The following STAG1 variants were observed in gnomAD, a reference collection of about 807,000 sequenced individuals.
STAG1 encodes cohesin subunit SA-1.
Under a neutral mutation model 170.9 loss-of-function variants are expected in STAG1, and 26 were observed. The observed-to-expected ratio is 0.15, with a 90% CI of 0.11 to 0.21. The LOEUF (loss-of-function observed/expected upper bound fraction) is 0.21, where lower values mean the gene tolerates loss of function less well. Ranked by LOEUF, STAG1 falls within the 10% of genes least tolerant of loss-of-function variation. The pLI, the probability that STAG1 is intolerant of heterozygous loss-of-function variation, is 1.00. For missense variants in STAG1, 964 were observed against 1,509.5 expected, an observed-to-expected ratio of 0.64 and a Z score of 5.99; for synonymous variants, 514 against 497.7, an observed-to-expected ratio of 1.03 and a Z score of -0.44.
chr3:136,500,624 C>T (rs144649364), intron 8 of STAG1, among the ~76,000 whole-genome samples: 45 of 152,200 alleles, frequency 3.0e-4, no homozygotes, highest in African/African-American at 1.1e-3. Context: ...TAAATCAGGT[C>T]CCTGGGTTTG....
intron 1 of STAG1, among the ~76,000 whole-genome samples, chr3:136,733,335 C>T (rs537809720): frequency 6.6e-6 from 1 of 152,214 alleles, no homozygotes; most frequent in Admixed American, 6.5e-5. Context: ...ATCCACCCAC[C>T]TCAGCGTCCC....
intron 1 of STAG1, chr3:136,736,577 G>A: frequency 6.5e-7 from 1 of 1,530,098 alleles, no homozygotes; most frequent in Non-Finnish European, 9.0e-7. Flanking sequence ...TATTGGCTTG[G>A]AAGTTTCGCC....
chr3:136,703,473 C>A (rs1306711719), intron 1 of STAG1, among the ~76,000 whole-genome samples: 1 of 152,288 alleles, frequency 6.6e-6, no homozygotes, highest in East Asian at 1.9e-4. Flanking sequence ...TGGAGGCTGA[C>A]CACTGTTTCA....
chr3:136,645,413 T>C (rs780847168), intron 1 of STAG1, among the ~76,000 whole-genome samples: 1 of 152,180 alleles, frequency 6.6e-6, no homozygotes, highest in Non-Finnish European at 1.5e-5. Context: ...TTTCATTGAC[T>C]TCAGCCCCAA....
chr3:136,500,394 T>C (rs1485452303), intron 8 of STAG1, 98 bp from the exon 9 acceptor site: 2 of 794,392 alleles, frequency 2.5e-6, no homozygotes, highest in Non-Finnish European at 4.0e-6. Flanking sequence ...TCATTCTGGG[T>C]AGTTTTCAAT....
chr3:136,728,379 A>C (rs1265868464), intron 1 of STAG1, among the ~76,000 whole-genome samples: 1 of 152,174 alleles, frequency 6.6e-6, no homozygotes, highest in African/African-American at 2.4e-5. Context: ...GGGTATGGGG[A>C]AAATGATAAA....
intron 28 of STAG1, among the ~76,000 whole-genome samples, chr3:136,356,321 T>C (rs992626301): frequency 3.3e-5 from 5 of 150,546 alleles, no homozygotes; most frequent in African/African-American, 9.7e-5. Context: ...CTATCACTTA[T>C]AGTCATATAA....
At chr3:136,625,623 A>C (rs532910831) in intron 2 of STAG1, among the ~76,000 whole-genome samples, 3 of 152,290 alleles carry the variant, frequency 2.0e-5, no homozygotes, top group Admixed American at 2.0e-4. Context: ...TGATAGAATG[A>C]TATCAGTCTT....
intron 1 of STAG1, among the ~76,000 whole-genome samples, chr3:136,661,942 A>C (rs1044336001): frequency 3.9e-5 from 6 of 152,204 alleles, no homozygotes; most frequent in African/African-American, 7.2e-5. Context: ...GATCTAACTC[A>C]GATAGTCTGA....
chr3:136,556,812 G>A (rs1936642747), intron 5 of STAG1, among the ~76,000 whole-genome samples: 1 of 151,816 alleles, frequency 6.6e-6, no homozygotes, highest in Non-Finnish European at 1.5e-5. Flanking sequence ...CCAATCCCTG[G>A]GCTCAAGAGA....
chr3:136,384,075 G>A (rs1256328243), intron 22 of STAG1, among the ~76,000 whole-genome samples: 2 of 152,092 alleles, frequency 1.3e-5, no homozygotes, highest in African/African-American at 4.8e-5. Context: ...CCAGACTGTG[G>A]TCTTAACCAG....
In STAG1 at chr3:136,700,418, C is replaced by CTT. The variant is rs775648320; in HGVS notation, c.-84+51775_-84+51776dup. On this transcript the variant is annotated intron_variant, in intron 1 of 33. Transcript: ENST00000383202. The stretch of plus-strand genomic sequence containing the variant: ...AACATATACAACTAAATTACTTCTT[C>CTT]TTTTTTTTTTTTTTATTTGAGACAG... 7.8e-5 allele frequency among the ~76,000 whole-genome samples: 11 copies of CTT among 141,392 alleles called. No homozygotes were observed. In the East Asian group the frequency reaches 1.6e-3, roughly 21 times the overall value. 92.8% of individuals were successfully genotyped at this position (141,392 alleles called of 152,430 possible).
chr3:136,671,104 G>C (rs908184558), intron 1 of STAG1, among the ~76,000 whole-genome samples: 1 of 152,080 alleles, frequency 6.6e-6, no homozygotes, highest in Non-Finnish European at 1.5e-5. Flanking sequence ...GGCCAAAATG[G>C]TGAAACCTCG....
intron 7 of STAG1, among the ~76,000 whole-genome samples, chr3:136,509,359 G>A (rs912265597): frequency 1.3e-5 from 2 of 151,486 alleles, no homozygotes; most frequent in Non-Finnish European, 2.9e-5. Flanking sequence ...TACACTAAGG[G>A]GATTGCTAGG....
At chr3:136,751,904 T>G (rs1269098296) in intron 1 of STAG1, among the ~76,000 whole-genome samples, 1 of 150,308 alleles carries the variant, frequency 6.7e-6, no homozygotes, top group Non-Finnish European at 1.5e-5. Flanking sequence ...GGGGGCAAAA[T>G]TTTTGGTGCC....
At chr3:136,437,864 C>T (rs994297014) in intron 15 of STAG1, among the ~76,000 whole-genome samples, 3 of 152,178 alleles carry the variant, frequency 2.0e-5, no homozygotes, top group Non-Finnish European at 4.4e-5. Flanking sequence ...TATAAGCCAT[C>T]TCCCTCTTTT....
intron 1 of STAG1, among the ~76,000 whole-genome samples, chr3:136,732,019 G>A (rs1934070150): frequency 6.6e-6 from 1 of 151,896 alleles, no homozygotes; most frequent in South Asian, 2.1e-4. Context: ...TTTCAACAGG[G>A]ACTAAAAAAA....
intron 4 of STAG1, among the ~76,000 whole-genome samples, chr3:136,603,913 A>T (rs985724257): frequency 3.3e-5 from 5 of 152,116 alleles, no homozygotes; most frequent in Non-Finnish European, 5.9e-5. Flanking sequence ...AGAAAGAAAG[A>T]AAGTTACAAA....
intron 1 of STAG1, among the ~76,000 whole-genome samples, chr3:136,743,773 G>C (rs749002224): frequency 6.6e-6 from 1 of 151,940 alleles, no homozygotes; most frequent in African/African-American, 2.4e-5. Context: ...ACCTGACAAA[G>C]ACATTACAAT....
Sources: allele counts gnomAD v4.1 joint callset (sites outside exome capture counted in the v4.1 genomes callset), GRCh38; gene constraint gnomAD v4.1.1; transcripts MANE v1.5; gene names NCBI Gene and HGNC (gene_info 2026-07-23, HGNC 2026-07-21).